DNTTIP1: variants seen among roughly 807,000 people sequenced by gnomAD.
The protein encoded by DNTTIP1 is deoxynucleotidyltransferase terminal interacting protein 1.
DNTTIP1 carries 22 observed loss-of-function variants against 52.9 expected under a neutral mutation model. The observed-to-expected ratio is 0.42, with a 90% confidence interval of 0.30 to 0.59. The LOEUF is 0.59. DNTTIP1 is among the 20% of genes least tolerant of loss of function. DNTTIP1 has a pLI of 0.22. For synonymous variants in DNTTIP1, 136 were observed against 155.1 expected (o/e 0.88, Z 0.92); for missense variants, 286 against 435.5 (o/e 0.66, Z 3.06).
Position 45,811,397 on chromosome 20 carries a change from T to G in DNTTIP1, c.*202T>G. On this transcript the variant is annotated 3_prime_UTR_variant, in exon 13 of 13. Transcript: ENST00000372622. ...TAAAGTTATTGGGATAAGAAACAAT[T>G]AAACAGTTTGTAGTAAACACAGATG... The G allele has an allele frequency of 1.8e-6, 1 of 553,866 alleles. No individual in the cohort carries two copies. The highest frequency in any genetic ancestry group is 3.1e-6 in the Non-Finnish European group (1 of 325,268). 34.3% of individuals were successfully genotyped at this position (553,866 alleles called of 1,614,324 possible).
Position 45,793,981 on chromosome 20 carries a change from CGAG to C in DNTTIP1, c.241_243del (p.Glu81del). 6.3e-7 allele frequency: 1 copy of C among 1,599,936 alleles called. No individual in the cohort carries two copies. The highest frequency in any genetic ancestry group is 8.5e-7 in the Non-Finnish European group (1 of 1,173,100). ...GAGCTGTCCTGCAGCCCAGCATCAACGAGGAGATCCAGACTGTCTTCAACAAGT... is the reference window on the plus strand; with the variant it reads ...GAGCTGTCCTGCAGCCCAGCATCAACGAGATCCAGACTGTCTTCAACAAGT... On this transcript the variant is annotated inframe_deletion, in exon 3 of 13. Coordinates refer to ENST00000372622, the MANE Select transcript of DNTTIP1 (RefSeq NM_052951.3).
At chr20:45,808,424 T>C (rs1382282133) in intron 10 of DNTTIP1, among the ~76,000 whole-genome samples, 1 of 152,184 alleles carries the variant, frequency 6.6e-6, no homozygotes, top group Non-Finnish European at 1.5e-5. Context: ...GCAGATCACC[T>C]GAGGTCGGGA....
intron 10 of DNTTIP1, among the ~76,000 whole-genome samples, chr20:45,808,400 G>A (rs1349748088): frequency 6.6e-6 from 1 of 152,024 alleles, no homozygotes; most frequent in Admixed American, 6.5e-5. Flanking sequence ...CAGCACTTTG[G>A]GAGCCCGAGG....
intron 4 of DNTTIP1, among the ~76,000 whole-genome samples, chr20:45,800,379 T>C (rs73306480): frequency 0.017 from 2,557 of 152,006 alleles, 73 homozygotes; most frequent in African/African-American, 0.059. Flanking sequence ...CATATAAATA[T>C]ATATATGTGT....
chr20:45,801,824 TC>T (rs1981482164), intron 6 of DNTTIP1, among the ~76,000 whole-genome samples, 174 bp from the exon 7 acceptor site: 1 of 152,220 alleles, frequency 6.6e-6, no homozygotes, highest in African/African-American at 2.4e-5. Context: ...GTACTGGGCT[TC>T]CTCAAAGCCC....
intron 11 of DNTTIP1, 101 bp from the exon 12 acceptor site, chr20:45,810,784 C>T (rs1981809740): frequency 1.8e-6 from 2 of 1,096,414 alleles, no homozygotes; most frequent in South Asian, 1.3e-5. Context: ...CCCGCTTCCA[C>T]CTAGTAGCAG....
chr20:45,805,393 GC>G, intron 10 of DNTTIP1, 27 bp downstream of exon 10: 2 of 1,611,226 alleles, frequency 1.2e-6, no homozygotes, highest in Non-Finnish European at 1.7e-6. Context: ...AGGAAAGCAG[GC>G]CATTGCATTG....
intron 8 of DNTTIP1, among the ~76,000 whole-genome samples, chr20:45,804,515 CT>C (rs1300624114): frequency 1.3e-5 from 2 of 152,176 alleles, no homozygotes; most frequent in African/African-American, 4.8e-5. Context: ...CTCTCACTCC[CT>C]GTTTAGAGGC....
At chr20:45,804,709 C>T (rs1459062375) in intron 8 of DNTTIP1, among the ~76,000 whole-genome samples, 1 of 152,218 alleles carries the variant, frequency 6.6e-6, no homozygotes, top group Non-Finnish European at 1.5e-5. Context: ...CAAGCTGCCT[C>T]TCACCTGTCT....
At chr20:45,795,589 A>G (rs923022378) in intron 4 of DNTTIP1, 146 bp downstream of exon 4, 7 of 532,778 alleles carry the variant, frequency 1.3e-5, no homozygotes, top group Middle Eastern at 5.3e-4. Context: ...ACTCAAGGCC[A>G]GGAGTTTGAG....
At chr20:45,798,344 A>AG (rs905573958) in intron 4 of DNTTIP1, among the ~76,000 whole-genome samples, 1 of 96,740 alleles carries the variant, frequency 1.0e-5, no homozygotes, top group African/African-American at 4.0e-5. Context: ...GGGTTGGGGG[A>AG]GGGGGGAGGG....
intron 10 of DNTTIP1, among the ~76,000 whole-genome samples, chr20:45,807,672 T>C (rs1269116615): frequency 2.0e-5 from 3 of 152,102 alleles, no homozygotes; most frequent in Non-Finnish European, 1.5e-5. Context: ...CTCAGCCAGG[T>C]GCAGTGACTC....
chr20:45,794,622 G>A (rs975123963), intron 3 of DNTTIP1, among the ~76,000 whole-genome samples: 2 of 151,612 alleles, frequency 1.3e-5, no homozygotes, highest in Non-Finnish European at 2.9e-5. Context: ...CATAACAAGT[G>A]TCCAATAAGT....
intron 4 of DNTTIP1, among the ~76,000 whole-genome samples, chr20:45,800,158 G>A (rs116709489): frequency 1.6e-3 from 245 of 151,794 alleles, no homozygotes; most frequent in African/African-American, 5.5e-3. Flanking sequence ...AGCTTACTGA[G>A]GAGTATGTGT....
At chr20:45,801,190 C>A in intron 5 of DNTTIP1, 48 bp downstream of exon 5, 1 of 1,580,258 alleles carries the variant, frequency 6.3e-7, no homozygotes, top group Non-Finnish European at 8.7e-7. Context: ...GTCCTTCAGG[C>A]TGGGAGGCAA....
At chr20:45,800,356 A>G (rs926597796) in intron 4 of DNTTIP1, among the ~76,000 whole-genome samples, 2 of 151,990 alleles carry the variant, frequency 1.3e-5, no homozygotes, top group Non-Finnish European at 2.9e-5. Flanking sequence ...AAAAATAGAT[A>G]TCTATTTCTA....
Position 45,795,365 on chromosome 20 carries a change from G to T in DNTTIP1, c.294G>T (p.Leu98=). 6.2e-7 allele frequency: 1 copy of T among 1,610,222 alleles called. No individual in the cohort carries two copies. Among genetic ancestry groups the T allele is most frequent in the South Asian group, 1.1e-5 (1 of 90,184 alleles). ...KYMKFFQKAA[L]NVRDNVGEEV... ...CCTAGTTCTTCCAGAAGGCAGCACT[G>T]AACGTGCGAGACAATGTTGGGGAGG... is the stretch of plus-strand genomic sequence containing the variant. The change falls in exon 4 of 13, where the codon CTG becomes CTT. Residue 98 remains leucine, a synonymous_variant. Transcript: ENST00000372622.
chr20:45,803,242 G>A, intron 7 of DNTTIP1, 91 bp from the exon 8 acceptor site: 3 of 1,260,214 alleles, frequency 2.4e-6, no homozygotes, highest in Non-Finnish European at 3.5e-6. Context: ...AAGTGAGAGT[G>A]TGTGAGGAAC....
chr20:45,800,700 T>A (rs1247926854), intron 4 of DNTTIP1, among the ~76,000 whole-genome samples: 169 of 1,966 alleles, frequency 0.086, 16 homozygotes, highest in African/African-American at 0.21. Flanking sequence ...AAAAAATATA[T>A]ATATATATAT....
Sources: gnomAD v4.1 joint callset for allele counts (sites outside exome capture counted in the v4.1 genomes callset) on GRCh38, gnomAD v4.1.1 for gene constraint, MANE v1.5 for transcripts, NCBI Gene and HGNC (gene_info 2026-07-23, HGNC 2026-07-21) for gene names.